UGT1A9: variants seen among roughly 807,000 people sequenced by gnomAD.
UGT1A9 encodes UDP glucuronosyltransferase family 1 member A9, also known as UDP-glucuronosyltransferase 1A9.
Under a neutral mutation model 45.0 loss-of-function variants are expected in UGT1A9, and 35 were observed. The observed-to-expected ratio is 0.78, with a 90% confidence interval of 0.59 to 1.03. The LOEUF is 1.03. Ranked by LOEUF, UGT1A9 falls within the 50% of genes least tolerant of loss-of-function variation. The pLI, the probability that UGT1A9 is intolerant of heterozygous loss-of-function variation, is 0.00. For missense variants in UGT1A9, 687 were observed against 666.6 expected, an observed-to-expected ratio of 1.03 and a Z score of -0.34; for synonymous variants, 278 against 250.6, an observed-to-expected ratio of 1.11 and a Z score of -1.03.
Position 233,671,920 on chromosome 2 carries a change from A to T in UGT1A9, c.-15A>T. 6.3e-7 allele frequency: 1 copy of T among 1,593,910 alleles called. No individual in the cohort carries two copies. Among genetic ancestry groups the T allele is most frequent in the East Asian group, 2.2e-5 (1 of 44,758 alleles). ...CTTAGATTCCCAGCTGCTTGCTCTC[A>T]GCTGCAGTTCTCTGATGGCTTGCAC... On this transcript the variant is annotated 5_prime_UTR_variant, in exon 1 of 5. Transcript: ENST00000354728.
At chr2:233,683,411 C>G (rs1466870497) in intron 1 of UGT1A9, among the ~76,000 whole-genome samples, 1 of 152,062 alleles carries the variant, frequency 6.6e-6, no homozygotes, top group Non-Finnish European at 1.5e-5. Context: ...GTGTTTTCCA[C>G]TTTTGGGGTT....
chr2:233,694,012 A>G lies in UGT1A9; in HGVS notation c.855+21223A>G, dbSNP rs370450750. On this transcript the variant is annotated intron_variant, in intron 1 of 4. Coordinates refer to ENST00000354728, the MANE Select transcript of UGT1A9 (RefSeq NM_021027.3). The stretch of plus-strand genomic sequence containing the variant: ...TGATACCCGGCTCGGAGCAGCGGGA[A>G]CACATAGGAGACCTGAGGCTGAAGT... 2.5e-5 allele frequency: 35 copies of G among 1,424,192 alleles called. No homozygotes were observed. The African/African-American group carries it at 5.0e-4, about 20-fold the overall frequency. The allele number at this position is 1,424,192 out of a possible 1,614,324, so 88.2% of individuals were successfully genotyped here. A position where few individuals can be genotyped will look rare whatever the true frequency, so the allele number is the denominator to read the frequency against.
Position 233,672,103 on chromosome 2 carries a change from G to T in UGT1A9, c.169G>T (p.Val57Leu). Reference protein sequence around the residue: ...KLILRGHEVVVVMPEVSWQLG... With the variant: ...KLILRGHEVVLVMPEVSWQLG... ...CATTCTCAGGGGGCATGAGGTGGTTGTAGTCATGCCAGAGGTGAGTTGGCA... is the reference window on the plus strand; with the variant it reads ...CATTCTCAGGGGGCATGAGGTGGTTTTAGTCATGCCAGAGGTGAGTTGGCA... The change falls in exon 1 of 5, where the codon GTA becomes TTA. Residue 57 changes from valine to leucine, a missense_variant. By Grantham distance (32) the Val-to-Leu change is conservative (BLOSUM62 1). Coordinates refer to ENST00000354728, the MANE Select transcript of UGT1A9 (RefSeq NM_021027.3). 2 of 1,614,178 alleles carry T rather than the reference G, an allele frequency of 1.2e-6. No individual in the cohort carries two copies. Among genetic ancestry groups the T allele is most frequent in the Non-Finnish European group, 1.7e-6 (2 of 1,180,018 alleles).
At position 233,768,455 on chromosome 2, in the gene UGT1A9, C is replaced by T. The variant is rs781674536; in HGVS notation, c.1295+16C>T. 1.9e-6 allele frequency: 3 copies of T among 1,610,240 alleles called. No individual in the cohort carries two copies. The highest frequency in any genetic ancestry group is 2.2e-5 in the East Asian group (1 of 44,770). On this transcript the variant is annotated intron_variant, in intron 4 of 4. Coordinates refer to ENST00000354728, the MANE Select transcript of UGT1A9 (RefSeq NM_021027.3). ...ATGACAAAAGGTAAGAAAGAAGATA[C>T]AGAAGAATACTTTGGTCATGGCATT... is the stretch of plus-strand genomic sequence containing the variant.
intron 1 of UGT1A9, among the ~76,000 whole-genome samples, chr2:233,739,394 A>AC (rs1399840083): frequency 1.3e-5 from 2 of 152,222 alleles, no homozygotes; most frequent in Non-Finnish European, 1.5e-5. Flanking sequence ...AGCCACAGAC[A>AC]TCAATGCCAC....
chr2:233,748,097 C>T (rs1693865364), intron 1 of UGT1A9: 9 of 1,612,658 alleles, frequency 5.6e-6, no homozygotes, highest in Admixed American at 1.7e-5. Flanking sequence ...TTCGTGCCTT[C>T]ATCCAATCAA....
intron 1 of UGT1A9, among the ~76,000 whole-genome samples, chr2:233,679,192 T>C (rs914040206): frequency 6.6e-6 from 1 of 152,214 alleles, no homozygotes; most frequent in Non-Finnish European, 1.5e-5. Context: ...ACACCTTCAG[T>C]GTTGAACTTG....
At position 233,672,979 on chromosome 2, in the gene UGT1A9, T is replaced by C. The variant is rs1035878660; in HGVS notation, c.855+190T>C. 2.0e-5 allele frequency among the ~76,000 whole-genome samples: 3 copies of C among 152,232 alleles called. No homozygotes were observed. The East Asian group carries it at 5.8e-4, about 29-fold the overall frequency. On this transcript the variant is annotated intron_variant, in intron 1 of 4. Transcript: ENST00000354728. ...TTTATAAAACTGCCCTTCTTGAAGA[T>C]ATGTATTTATAACTTATAAAATTGT...
chr2:233,745,864 C>G (rs1478966611), intron 1 of UGT1A9, among the ~76,000 whole-genome samples: 1 of 151,232 alleles, frequency 6.6e-6, no homozygotes, highest in Non-Finnish European at 1.5e-5. Flanking sequence ...AGCTGCTGAC[C>G]AAGGTTCCAG....
rs35041092 is a variant in UGT1A9 at position 233,761,235 on chromosome 2, C to T, written c.856-5799C>T. 9.3e-4 allele frequency: 1,493 copies of T among 1,612,640 alleles called. 2 individuals are homozygous for T. The highest frequency in any genetic ancestry group is 1.5e-3 in the Middle Eastern group (9 of 6,058). ...TCGATTAACTAGCCCCAGATATATG[C>T]TGAGCAAGCATTCTGAGATAATTTA... On this transcript the variant is annotated intron_variant, in intron 1 of 4. Coordinates refer to ENST00000354728, the MANE Select transcript of UGT1A9 (RefSeq NM_021027.3).
chr2:233,759,779 G>A (rs1697251285), intron 1 of UGT1A9, among the ~76,000 whole-genome samples: 1 of 152,188 alleles, frequency 6.6e-6, no homozygotes, highest in South Asian at 2.1e-4. Flanking sequence ...GTTGGACGAA[G>A]GAATGAAACA....
chr2:233,699,035 A>G (rs2075478622), intron 1 of UGT1A9, among the ~76,000 whole-genome samples: 1 of 152,230 alleles, frequency 6.6e-6, no homozygotes, highest in Non-Finnish European at 1.5e-5. Context: ...AGGCAGTCCC[A>G]GATGTCCTGA....
chr2:233,729,493 G>A, intron 1 of UGT1A9: 5 of 1,614,180 alleles, frequency 3.1e-6, no homozygotes, highest in Non-Finnish European at 4.2e-6. Context: ...TATGTCTTTG[G>A]TCTATCATAG....
At chr2:233,755,462 T>C (rs1695929337) in intron 1 of UGT1A9, 1 of 276,566 alleles carries the variant, frequency 3.6e-6, no homozygotes, top group Non-Finnish European at 7.1e-6. Flanking sequence ...CTGGCCCTGC[T>C]CTCTGTGAGG....
rs192713031 is a variant in UGT1A9 at position 233,755,438 on chromosome 2, C to G, written c.856-11596C>G. ...TGTGAGCGCCTCGCATCCCAAGATG[C>G]AGTGCTCCTGGGACTGGCCCTGCTC... On this transcript the variant is annotated intron_variant, in intron 1 of 4. Transcript: ENST00000354728. 453 of 315,884 alleles carry G rather than the reference C, an allele frequency of 1.4e-3. 2 individuals carry two copies. The highest frequency in any genetic ancestry group is 7.9e-3 in the African/African-American group (362 of 46,082). The allele number at this position is 315,884 out of a possible 1,614,324, so 19.6% of individuals were successfully genotyped here.
chr2:233,678,713 A>G (rs945469099), intron 1 of UGT1A9, among the ~76,000 whole-genome samples: 1 of 152,060 alleles, frequency 6.6e-6, no homozygotes, highest in Non-Finnish European at 1.5e-5. Flanking sequence ...CTTCTTCTAC[A>G]TCTTCTTTCT....
At chr2:233,697,063 GT>G (rs1308973178) in intron 1 of UGT1A9, among the ~76,000 whole-genome samples, 1 of 151,994 alleles carries the variant, frequency 6.6e-6, no homozygotes, top group African/African-American at 2.4e-5. Flanking sequence ...TCCTTGTCTG[GT>G]TTTGGTATCA....
At chr2:233,760,586 T>G in intron 1 of UGT1A9, 1 of 1,614,234 alleles carries the variant, frequency 6.2e-7, no homozygotes, top group Non-Finnish European at 8.5e-7. Flanking sequence ...CATAATGTTT[T>G]TGAGAATGAT....
intron 1 of UGT1A9, among the ~76,000 whole-genome samples, chr2:233,740,131 G>A (rs1211321915): frequency 6.6e-6 from 1 of 151,860 alleles, no homozygotes; most frequent in East Asian, 1.9e-4. Context: ...CTTCTGTCAT[G>A]ATTGTAAGTT....
Sources: allele counts gnomAD v4.1 joint callset (sites outside exome capture counted in the v4.1 genomes callset), GRCh38; gene constraint gnomAD v4.1.1; transcripts MANE v1.5; gene names NCBI Gene and HGNC (gene_info 2026-07-23, HGNC 2026-07-21).